The following GALNT13 variants were observed in gnomAD, a reference collection of about 807,000 sequenced individuals.
GALNT13 encodes UDP-GalNAc:polypeptide N-acetylgalactosaminyltransferase 13.
GALNT13 carries 28 observed loss-of-function variants against 64.2 expected under a neutral mutation model. The ratio of observed to expected loss-of-function variants is 0.44; its 90% confidence interval spans 0.32 to 0.60. The LOEUF (loss-of-function observed/expected upper bound fraction) is 0.60, where lower values mean the gene tolerates loss of function less well. Among genes scored for constraint, GALNT13 ranks in the 20% least tolerant of loss-of-function variants. The probability of loss-of-function intolerance (pLI) is 0.05; values close to 1 mark genes in which losing one functional copy is unlikely to be tolerated. For synonymous variants in GALNT13, 214 were observed against 224.6 expected, an observed-to-expected ratio of 0.95 and a Z score of 0.42; for missense variants, 577 against 669.8, an observed-to-expected ratio of 0.86 and a Z score of 1.53.
chr2:153,187,854 A>C, the GALNT13 span, among the ~76,000 whole-genome samples: 1 of 152,166 alleles, frequency 6.6e-6, no homozygotes, highest in Non-Finnish European at 1.5e-5. Flanking sequence ...TAACATACAA[A>C]ACTTAACAAC....
chr2:153,220,319 TCCCA>T, the GALNT13 span, among the ~76,000 whole-genome samples: 7 of 152,188 alleles, frequency 4.6e-5, no homozygotes, highest in African/African-American at 7.2e-5. Flanking sequence ...AGAGGCAGTT[TCCCA>T]ACAGATAAAT....
chr2:153,904,620 T>C (rs1026471008), intron 2 of GALNT13, among the ~76,000 whole-genome samples: 2 of 151,974 alleles, frequency 1.3e-5, no homozygotes, highest in African/African-American at 4.8e-5. Flanking sequence ...CCTGTTCATA[T>C]GTGTATTTTT....
chr2:154,008,597 C>T (rs909237038), intron 3 of GALNT13, among the ~76,000 whole-genome samples: 1 of 152,046 alleles, frequency 6.6e-6, no homozygotes, highest in African/African-American at 2.4e-5. Flanking sequence ...CCTCCCTGCT[C>T]AACTAGGCCC....
the GALNT13 span, among the ~76,000 whole-genome samples, chr2:153,082,662 CACAT>C: frequency 6.7e-5 from 6 of 90,144 alleles, no homozygotes; most frequent in Admixed American, 1.2e-4. Context: ...CACACACACA[CACAT>C]ATATATAATT....
chr2:154,199,403 G>A (rs1687052208), intron 4 of GALNT13, among the ~76,000 whole-genome samples: 1 of 151,962 alleles, frequency 6.6e-6, no homozygotes, highest in South Asian at 2.1e-4. Flanking sequence ...TGATGTTCAA[G>A]AGAATTTTTG....
Position 154,134,203 on chromosome 2 carries a change from A to G in GALNT13, c.143-6134A>G, listed in dbSNP as rs537136075. 4.8e-4 allele frequency among the ~76,000 whole-genome samples: 73 copies of G among 152,346 alleles called. 1 individual carries two copies. Among genetic ancestry groups the G allele is most frequent in the African/African-American group, 1.7e-3 (70 of 41,590 alleles). Reference sequence around the variant, plus strand: ...TTCAATAGTTAGAATCTGTGTGATAACATGCAAAAAATGGAATTGCAACAT... The same window carrying G: ...TTCAATAGTTAGAATCTGTGTGATAGCATGCAAAAAATGGAATTGCAACAT... On this transcript the variant is annotated intron_variant, in intron 3 of 12. Coordinates refer to ENST00000392825, the MANE Select transcript of GALNT13 (RefSeq NM_052917.4).
the GALNT13 span, among the ~76,000 whole-genome samples, chr2:153,412,572 C>T: frequency 6.6e-6 from 1 of 152,200 alleles, no homozygotes; most frequent in South Asian, 2.1e-4. Flanking sequence ...AGCTTGGTCT[C>T]AGGAACAACT....
chr2:154,421,790 AATAT>A (rs992808968), intron 11 of GALNT13, among the ~76,000 whole-genome samples: 4 of 151,930 alleles, frequency 2.6e-5, no homozygotes, highest in Non-Finnish European at 5.9e-5. Context: ...ACATGCAAGA[AATAT>A]ATATATATTT....
chr2:154,336,705 C>G (rs1039333021), intron 9 of GALNT13, among the ~76,000 whole-genome samples: 5 of 151,684 alleles, frequency 3.3e-5, no homozygotes, highest in Admixed American at 6.6e-5. Context: ...AGTAAAAGCC[C>G]TTTGTAGTAA....
chr2:153,140,086 T>C, the GALNT13 span, among the ~76,000 whole-genome samples: 1 of 152,004 alleles, frequency 6.6e-6, no homozygotes, highest in South Asian at 2.1e-4. Context: ...GATGTGGTAA[T>C]CTTACCATCC....
At chr2:153,943,039 C>G (rs1253560952) in intron 2 of GALNT13, among the ~76,000 whole-genome samples, 1 of 151,970 alleles carries the variant, frequency 6.6e-6, no homozygotes, top group East Asian at 1.9e-4. Flanking sequence ...ACATTTTACT[C>G]GATATTATTT....
intron 3 of GALNT13, among the ~76,000 whole-genome samples, chr2:154,050,868 A>G (rs1263061660): frequency 6.6e-6 from 1 of 152,212 alleles, no homozygotes; most frequent in East Asian, 1.9e-4. Flanking sequence ...ACATAAATAT[A>G]TTGTTTAAAG....
chr2:153,400,776 C>T, the GALNT13 span, among the ~76,000 whole-genome samples: 2 of 152,012 alleles, frequency 1.3e-5, no homozygotes, highest in African/African-American at 2.4e-5. Flanking sequence ...GTGATATCCC[C>T]TTTATCATTT....
At chr2:153,642,770 A>G in the GALNT13 span, among the ~76,000 whole-genome samples, 1 of 151,852 alleles carries the variant, frequency 6.6e-6, no homozygotes, top group African/African-American at 2.4e-5. Flanking sequence ...CAATTAAAGC[A>G]CATCTCATTT....
chr2:153,439,552 G>A, the GALNT13 span, among the ~76,000 whole-genome samples: 2 of 152,168 alleles, frequency 1.3e-5, no homozygotes, highest in Non-Finnish European at 2.9e-5. Flanking sequence ...CTCCCACCTT[G>A]CAGTTTGATC....
the GALNT13 span, among the ~76,000 whole-genome samples, chr2:153,647,878 G>A: frequency 1.3e-5 from 2 of 152,082 alleles, no homozygotes; most frequent in East Asian, 1.9e-4. Flanking sequence ...GCCTTGTAGT[G>A]TAGTTTGAAG....
At chr2:154,334,190 C>G (rs1368628362) in intron 9 of GALNT13, among the ~76,000 whole-genome samples, 1 of 151,938 alleles carries the variant, frequency 6.6e-6, no homozygotes, top group Non-Finnish European at 1.5e-5. Flanking sequence ...AAATACAATA[C>G]TTTGTTCATT....
At chr2:154,319,683 T>C (rs2105157996) in intron 9 of GALNT13, among the ~76,000 whole-genome samples, 1 of 152,102 alleles carries the variant, frequency 6.6e-6, no homozygotes, top group African/African-American at 2.4e-5. Context: ...AGAAAAATAT[T>C]TCTTAATAAT....
chr2:153,959,727 G>C (rs1394091139), intron 3 of GALNT13, among the ~76,000 whole-genome samples: 1 of 152,196 alleles, frequency 6.6e-6, no homozygotes. Context: ...GGTGAGTTTG[G>C]CAGGGCTGCC....
Sources: allele counts gnomAD v4.1 joint callset (sites outside exome capture counted in the v4.1 genomes callset), GRCh38; gene constraint gnomAD v4.1.1; transcripts MANE v1.5; gene names NCBI Gene and HGNC (gene_info 2026-07-23, HGNC 2026-07-21).